RSPO1: variants seen among roughly 807,000 people sequenced by gnomAD.
RSPO1 encodes R-spondin 1.
In RSPO1, 18 loss-of-function variants were observed where a neutral mutation model predicts 26.0. The observed-to-expected ratio is 0.69, with a 90% CI of 0.48 to 1.03. RSPO1 has a LOEUF of 1.03. Ranked by LOEUF, RSPO1 falls within the 50% of genes least tolerant of loss-of-function variation. The pLI, the probability that RSPO1 is intolerant of heterozygous loss-of-function variation, is 0.00. For synonymous variants in RSPO1, 133 were observed against 137.4 expected (o/e 0.97, Z 0.22); for missense variants, 309 against 352.3 (o/e 0.88, Z 0.98).
At chr1:37,622,134 G>A (rs984044818) in intron 3 of RSPO1, among the ~76,000 whole-genome samples, 3 of 152,166 alleles carry the variant, frequency 2.0e-5, no homozygotes, top group Non-Finnish European at 4.4e-5. Flanking sequence ...CAGACAGGCA[G>A]GAGACACTGA....
rs115051762 is a variant in RSPO1 at position 37,625,656 on chromosome 1, C to T, written c.94+3912G>A. On this transcript the variant is annotated intron_variant, in intron 3 of 6. Coordinates refer to ENST00000356545, the MANE Select transcript of RSPO1 (RefSeq NM_001242908.2). ...CTGCACATTCAGCAAGCCCTGGGCA[C>T]GTCCCGCTGGTAGGCCCAGGATTCT... Among the ~76,000 whole-genome samples, 339 of 151,148 alleles carry T rather than the reference C, an allele frequency of 2.2e-3. 1 individual carries two copies. Among genetic ancestry groups the T allele is most frequent in the African/African-American group, 8.0e-3 (331 of 41,186 alleles).
rs139816455 is a variant in RSPO1, at chr1:37,633,474, G to A, written c.-356+1092C>T. Among the ~76,000 whole-genome samples the A allele has an allele frequency of 3.4e-3, 521 of 152,324 alleles. 2 individuals are homozygous for A. Among genetic ancestry groups the A allele is most frequent in the Middle Eastern group, 0.014 (4 of 294 alleles). ...GGCAGAAACTCAGCCCCGGGAGGGG[G>A]CTGGAATCACTTTCACCTTCTTGCC... On this transcript the variant is annotated intron_variant, in intron 1 of 6. Transcript: ENST00000356545.
rs559283458 is a variant in RSPO1 at position 37,623,105 on chromosome 1, T to C, written c.95-6430A>G. Reference sequence around the variant, plus strand: ...GTCAGGTAGCTGAGCTCCATGAGGGTTTGGGGGCTCAGAAGAGGAATGGGG... The same window carrying C: ...GTCAGGTAGCTGAGCTCCATGAGGGCTTGGGGGCTCAGAAGAGGAATGGGG... On this transcript the variant is annotated intron_variant, in intron 3 of 6. Coordinates refer to ENST00000356545, the MANE Select transcript of RSPO1 (RefSeq NM_001242908.2). 2.7e-5 allele frequency among the ~76,000 whole-genome samples: 4 copies of C among 149,260 alleles called. No homozygotes were observed. In the South Asian group the frequency reaches 6.5e-4, roughly 24 times the overall value.
intron 3 of RSPO1, among the ~76,000 whole-genome samples, chr1:37,627,179 T>C (rs902450335): frequency 6.6e-6 from 1 of 152,192 alleles, no homozygotes; most frequent in African/African-American, 2.4e-5. Context: ...TCAACAACCC[T>C]GAGGCTCATA....
intron 4 of RSPO1, 23 bp from the exon 5 acceptor site, chr1:37,614,356 G>A (rs1192192817): frequency 1.2e-6 from 2 of 1,613,032 alleles, no homozygotes; most frequent in Admixed American, 3.3e-5. Flanking sequence ...CAGATTGGGG[G>A]CTTCTGGCCC....
intron 3 of RSPO1, among the ~76,000 whole-genome samples, chr1:37,628,606 CA>C (rs1644312543): frequency 6.6e-6 from 1 of 152,232 alleles, no homozygotes; most frequent in African/African-American, 2.4e-5. Context: ...AGTCCCCCAC[CA>C]TCTCCCTCGT....
At chr1:37,629,191 C>T (rs1480853105) in intron 3 of RSPO1, among the ~76,000 whole-genome samples, 1 of 152,194 alleles carries the variant, frequency 6.6e-6, no homozygotes, top group African/African-American at 2.4e-5. Context: ...AAAAAAGGAG[C>T]CCCAGGGCAG....
chr1:37,618,658 C>T (rs1644153828), intron 3 of RSPO1, among the ~76,000 whole-genome samples: 2 of 152,208 alleles, frequency 1.3e-5, no homozygotes, highest in Non-Finnish European at 2.9e-5. Flanking sequence ...GAAATGCAAC[C>T]AGTAGGCCAT....
intron 5 of RSPO1, 133 bp from the exon 6 acceptor site, chr1:37,614,025 G>C: frequency 7.5e-7 from 1 of 1,329,450 alleles, no homozygotes; most frequent in Non-Finnish European, 1.1e-6. Flanking sequence ...GGTATCTTTA[G>C]TCCAGAGGGC....
In RSPO1 at chr1:37,616,654, G is replaced by T; in HGVS notation, c.116C>A (p.Ala39Asp). 1 of 1,614,048 alleles carries T rather than the reference G, an allele frequency of 6.2e-7. No individual in the cohort carries two copies. The change falls in exon 4 of 7, where the codon GCC (alanine) becomes GAC (aspartate). Residue 39 changes from alanine (A) to aspartate (D), a missense_variant. Ala to Asp is a moderately radical substitution (Grantham distance 126). Transcript: ENST00000356545. ...GCAGAGCTCACAGCCTTTGGCACAGGCCTGGCTCCCCTCGGCACTGACTGC... is the reference window on the plus strand; with the variant it reads ...GCAGAGCTCACAGCCTTTGGCACAGTCCTGGCTCCCCTCGGCACTGACTGC... ...QRRISAEGSQ[A>D]CAKGCELCSE...
At chr1:37,624,663 G>T (rs1644251474) in intron 3 of RSPO1, among the ~76,000 whole-genome samples, 1 of 152,154 alleles carries the variant, frequency 6.6e-6, no homozygotes, top group African/African-American at 2.4e-5. Flanking sequence ...CTTGAAGAAT[G>T]GTTCTGGATC....
Position 37,612,680 on chromosome 1 carries a change from C to T in RSPO1, c.*75G>A. Reference sequence around the variant, plus strand: ...TGTGTATGCTTTGCCCCCGACGTTCCAGTTCAGGAAAGCTTGAATCACGCA... The same window carrying T: ...TGTGTATGCTTTGCCCCCGACGTTCTAGTTCAGGAAAGCTTGAATCACGCA... On this transcript the variant is annotated 3_prime_UTR_variant, in exon 7 of 7. Transcript: ENST00000356545. 2 of 1,521,440 alleles carry T rather than the reference C, an allele frequency of 1.3e-6. No homozygotes were observed. The highest frequency in any genetic ancestry group is 9.0e-7 in the Non-Finnish European group (1 of 1,108,436). The allele number at this position is 1,521,440 out of a possible 1,614,324, so 94.2% of individuals were successfully genotyped here.
At chr1:37,630,594 G>A (rs976618430) in intron 2 of RSPO1, among the ~76,000 whole-genome samples, 1 of 152,252 alleles carries the variant, frequency 6.6e-6, no homozygotes, top group Admixed American at 6.5e-5. Flanking sequence ...GAGACACAGA[G>A]AATGGGGATA....
At chr1:37,628,010 A>T (rs1181024554) in intron 3 of RSPO1, among the ~76,000 whole-genome samples, 2 of 152,232 alleles carry the variant, frequency 1.3e-5, no homozygotes, top group African/African-American at 4.8e-5. Context: ...CGCTAGGACC[A>T]GGCCCTTTCT....
rs56125415 is a variant in RSPO1, at chr1:37,627,647, CACAAAACAAAACAAA to C, written c.94+1906_94+1920del. ...CCTGGGTGACAGAGCAAGACTCCAT[CACAAAACAAAACAAA>C]ACAAAACAAAACAAAACAAAACAAA... On this transcript the variant is annotated intron_variant, in intron 3 of 6. Transcript: ENST00000356545. 1.5e-3 allele frequency among the ~76,000 whole-genome samples: 227 copies of C among 148,558 alleles called. 1 individual carries two copies. The highest frequency in any genetic ancestry group is 3.9e-3 in the South Asian group (18 of 4,596).
At chr1:37,614,044 C>A in intron 5 of RSPO1, 140 bp downstream of exon 5, 1 of 1,327,586 alleles carries the variant, frequency 7.5e-7, no homozygotes. Flanking sequence ...GCAGAAAAGT[C>A]CTTGGAGACT....
rs1303887690 is a variant in RSPO1 at position 37,614,223 on chromosome 1, A to G, written c.397T>C (p.Ser133Pro). ...GRCYPACPEG[S>P]SAANGTMECS... ...TCCATGGTGCCATTGGCAGCTGAGG[A>G]GCCCTCGGGACAAGCTGGATAGCAG... The change falls in exon 5 of 7, where the codon TCC (serine) becomes CCC (proline). Residue 133 changes from serine to proline, a missense_variant. Transcript: ENST00000356545. 6.2e-7 allele frequency: 1 copy of G among 1,613,424 alleles called. No homozygotes were observed. Among genetic ancestry groups the G allele is most frequent in the Non-Finnish European group, 8.5e-7 (1 of 1,180,022 alleles).
rs1323085131 is a variant in RSPO1 at position 37,613,723 on chromosome 1, C to T, written c.606G>A (p.Arg202=). The T allele has an allele frequency of 2.5e-6, 4 of 1,613,580 alleles. No individual in the cohort carries two copies. Among genetic ancestry groups the T allele is most frequent in the Admixed American group, 1.7e-5 (1 of 59,990 alleles). The change falls in exon 6 of 7, where the codon AGG becomes AGA. Residue 202 remains arginine (R), a synonymous_variant. Coordinates refer to ENST00000356545, the MANE Select transcript of RSPO1 (RefSeq NM_001242908.2). The surrounding 1 kb of genome is among the most constrained non-coding windows in gnomAD (Gnocchi z 4.5). ...DTKETRRCTV[R]RVPCPEGQKR... is the part of the protein sequence containing the mutation. ...GCTCACCCTCAGGACACGGCACTCT[C>T]CTCACTGTGCACCTCCGGGTCTCCT...
intron 4 of RSPO1, 22 bp from the exon 5 acceptor site, chr1:37,614,355 G>T (rs906737516): frequency 9.1e-5 from 146 of 1,612,962 alleles, no homozygotes; most frequent in Non-Finnish European, 1.2e-4. Flanking sequence ...ACAGATTGGG[G>T]GCTTCTGGCC....
Sources: gnomAD v4.1 joint callset for allele counts (sites outside exome capture counted in the v4.1 genomes callset) on GRCh38, gnomAD v4.1.1 for gene constraint, Gnocchi (gnomAD v3.1) non-coding constraint, MANE v1.5 for transcripts, NCBI Gene and HGNC (gene_info 2026-07-23, HGNC 2026-07-21) for gene names.